Variants in PACSIN2 observed in about 807,000 individuals in gnomAD.
PACSIN2 encodes the protein protein kinase C and casein kinase substrate in neurons 2, also known as protein kinase C and casein kinase substrate in neurons protein 2.
In PACSIN2, 25 loss-of-function variants were observed where a neutral mutation model predicts 63.8. The ratio of observed to expected loss-of-function variants is 0.39; its 90% CI spans 0.29 to 0.55. PACSIN2 has a LOEUF of 0.55. Among genes scored for constraint, PACSIN2 ranks in the 20% least tolerant of loss-of-function variants. The pLI is 0.62. For synonymous variants in PACSIN2, 255 were observed against 256.2 expected (o/e 1.00, Z 0.05); for missense variants, 518 against 646.9 (o/e 0.80, Z 2.16).
At chr22:42,988,838 G>GA (rs775285576) in intron 1 of PACSIN2, among the ~76,000 whole-genome samples, 56 of 151,944 alleles carry the variant, frequency 3.7e-4, no homozygotes, top group Non-Finnish European at 6.9e-4. Context: ...ATGCATTTGG[G>GA]AAAAAATATA....
rs185050133 is a variant in PACSIN2, at chr22:43,011,341, A to G, written c.-78+3680T>C. On this transcript the variant is annotated intron_variant, in intron 1 of 10. Transcript: ENST00000263246. ...AATGTGGTCATTAATCGCATAATCT[A>G]CAGGGCGGCCTCCACAAAGCTGCCA... Among the ~76,000 whole-genome samples the G allele has an allele frequency of 1.4e-3, 220 of 152,346 alleles. 4 individuals are homozygous for G. The highest frequency in any genetic ancestry group is 9.7e-3 in the Admixed American group (148 of 15,298).
At chr22:42,983,662 A>G (rs1324447155) in intron 1 of PACSIN2, among the ~76,000 whole-genome samples, 1 of 152,164 alleles carries the variant, frequency 6.6e-6, no homozygotes, top group Non-Finnish European at 1.5e-5. Flanking sequence ...GGGTCTTGCT[A>G]TGTTGCCCAG....
intron 6 of PACSIN2, 101 bp downstream of exon 6, chr22:42,884,285 G>A (rs1929303601): frequency 9.1e-7 from 1 of 1,094,440 alleles, no homozygotes; most frequent in Admixed American, 2.1e-5. Flanking sequence ...ACCTCCTGAT[G>A]AACGCGCCAT....
chr22:42,943,432 CAGA>C (rs1186994880), intron 1 of PACSIN2, among the ~76,000 whole-genome samples: 4 of 152,126 alleles, frequency 2.6e-5, no homozygotes, highest in Non-Finnish European at 4.4e-5. Flanking sequence ...CAATATTGAG[CAGA>C]AGGAGTGAGA....
At chr22:42,926,293 A>AGCTC in intron 1 of PACSIN2, among the ~76,000 whole-genome samples, 1 of 152,328 alleles carries the variant, frequency 6.6e-6, no homozygotes, top group South Asian at 2.1e-4. Flanking sequence ...TGAGGCCTAG[A>AGCTC]GCTCAGCAGG....
chr22:42,991,312 G>T (rs1923024973), intron 1 of PACSIN2, among the ~76,000 whole-genome samples: 1 of 152,130 alleles, frequency 6.6e-6, no homozygotes, highest in Non-Finnish European at 1.5e-5. Context: ...GCAGAGCCCA[G>T]TTCCCTGGGT....
At chr22:42,986,040 C>G (rs1031908247) in intron 1 of PACSIN2, among the ~76,000 whole-genome samples, 1 of 152,218 alleles carries the variant, frequency 6.6e-6, no homozygotes, top group Non-Finnish European at 1.5e-5. Context: ...TCACGCTTGA[C>G]TTTCCAAACA....
At position 42,871,362 on chromosome 22, in the gene PACSIN2, G is replaced by A. The variant is rs775404651; in HGVS notation, c.1456C>T (p.Gln486Ter). 1 of 1,609,906 alleles carries A rather than the reference G, an allele frequency of 6.2e-7. No homozygotes were observed. The change falls in exon 11 of 11, where the codon CAG (glutamine) becomes TAG (stop). Residue 486 changes from glutamine (Q) to a stop codon, truncating the protein, a stop_gained. Coordinates refer to ENST00000263246, the MANE Select transcript of PACSIN2 (RefSeq NM_001184970.3). LOFTEE classifies it high-confidence loss of function. This position sits in a 1 kb window ranked among gnomAD's most constrained non-coding sequence, Gnocchi z 5.4. ...LYPANYVEAI[Q>*] ...GCTGGCCTGTCCCCGACTCATCACT[G>A]GATCGCCTCCACATAATTTGCCGGG... is the stretch of plus-strand genomic sequence containing the variant.
chr22:42,921,852 C>T (rs1016755495), intron 1 of PACSIN2, among the ~76,000 whole-genome samples: 1 of 152,026 alleles, frequency 6.6e-6, no homozygotes, highest in Non-Finnish European at 1.5e-5. Context: ...GATTCTCCTG[C>T]CTCAGCCTCC....
chr22:42,992,092 A>G lies in PACSIN2; in HGVS notation c.-78+22929T>C, dbSNP rs536569049. On this transcript the variant is annotated intron_variant, in intron 1 of 10. Transcript: ENST00000263246. ...AAAGACAGCCTCAGACAGGGAGTCA[A>G]TATTTTCAAATTATGTAATTGATCA... is the stretch of plus-strand genomic sequence containing the variant. Among the ~76,000 whole-genome samples, 256 of 152,352 alleles carry G rather than the reference A, an allele frequency of 1.7e-3. 2 individuals carry two copies. The highest frequency in any genetic ancestry group is 5.7e-3 in the African/African-American group (239 of 41,590).
chr22:42,888,225 C>T (rs544624725), intron 5 of PACSIN2, among the ~76,000 whole-genome samples: 4 of 152,162 alleles, frequency 2.6e-5, no homozygotes, highest in Non-Finnish European at 5.9e-5. Flanking sequence ...ATTTGGTCCT[C>T]ATAACCCTCC....
At chr22:42,935,140 T>C (rs1932878934) in intron 1 of PACSIN2, among the ~76,000 whole-genome samples, 1 of 151,628 alleles carries the variant, frequency 6.6e-6, no homozygotes. Flanking sequence ...TTAGCCAGGA[T>C]GGTCTCGATC....
chr22:42,891,151 C>T lies in PACSIN2; in HGVS notation c.249G>A (p.Trp83Ter). Residue 83 changes from tryptophan to a stop codon, truncating the protein, a stop_gained, in exon 4 of 11, where the codon TGG becomes TGA. Coordinates refer to ENST00000263246, the MANE Select transcript of PACSIN2 (RefSeq NM_001184970.3). LOFTEE classifies it high-confidence loss of function. The part of the protein sequence containing the change: ...GPQYGTVEKA[W>*]MAFMSEAERV... The stretch of plus-strand genomic sequence containing the variant: ...TCTCTGCCTCGGACATGAAGGCCAT[C>T]CAGGCCTTCTCCACGGTCCCGTACT... 6.2e-7 allele frequency: 1 copy of T among 1,613,848 alleles called. No individual in the cohort carries two copies. Among genetic ancestry groups the T allele is most frequent in the Non-Finnish European group, 8.5e-7 (1 of 1,179,830 alleles).
intron 4 of PACSIN2, 136 bp downstream of exon 4, chr22:42,890,811 G>A (rs1929849023): frequency 1.5e-6 from 1 of 649,618 alleles, no homozygotes; most frequent in African/African-American, 1.8e-5. Flanking sequence ...AGCCTGAGGA[G>A]TGGCTTCATC....
At chr22:43,001,571 T>C (rs1923770338) in intron 1 of PACSIN2, among the ~76,000 whole-genome samples, 1 of 152,198 alleles carries the variant, frequency 6.6e-6, no homozygotes, top group African/African-American at 2.4e-5. Flanking sequence ...CCCTGAAGTG[T>C]GGGCACAAAA....
intron 1 of PACSIN2, among the ~76,000 whole-genome samples, chr22:43,010,398 A>ATATATATATATATATATATATT: frequency 3.7e-4 from 47 of 126,402 alleles, no homozygotes; most frequent in South Asian, 1.4e-3. Flanking sequence ...ATATATATAT[A>ATATATATATATATATATATATT]TTTTTTTTTA....
chr22:43,008,548 C>T, intron 1 of PACSIN2, among the ~76,000 whole-genome samples: 1 of 152,238 alleles, frequency 6.6e-6, no homozygotes, highest in East Asian at 1.9e-4. Context: ...CACGCCCGGC[C>T]TAAGTTCAGT....
chr22:42,958,929 A>G (rs558560921), intron 1 of PACSIN2, among the ~76,000 whole-genome samples: 2 of 152,358 alleles, frequency 1.3e-5, no homozygotes, highest in African/African-American at 4.8e-5. Flanking sequence ...AAGGGGAGCC[A>G]CTGTTTTTCA....
chr22:42,916,311 G>C (rs544640150), intron 1 of PACSIN2, among the ~76,000 whole-genome samples: 2 of 148,784 alleles, frequency 1.3e-5, no homozygotes, highest in African/African-American at 5.0e-5. Flanking sequence ...TGGGGGACAA[G>C]AATCTGCACC....
Sources: allele counts gnomAD v4.1 joint callset (sites outside exome capture counted in the v4.1 genomes callset), GRCh38; gene constraint gnomAD v4.1.1; non-coding constraint Gnocchi (gnomAD v3.1); transcripts MANE v1.5; gene names NCBI Gene and HGNC (gene_info 2026-07-23, HGNC 2026-07-21).